ZNF567: variants seen among roughly 807,000 people sequenced by gnomAD.
ZNF567 encodes the protein zinc finger protein 567.
A neutral mutation model predicts 53.9 loss-of-function variants in ZNF567; 36 were observed. That is an observed-to-expected ratio of 0.67 (90% CI 0.51 to 0.88). The LOEUF is 0.88. Among genes scored for constraint, ZNF567 ranks in the 40% least tolerant of loss-of-function variants. The probability of loss-of-function intolerance (pLI) is 0.00; values close to 1 mark genes in which losing one functional copy is unlikely to be tolerated. For synonymous variants in ZNF567, 224 were observed against 260.4 expected (o/e 0.86, Z 1.35); for missense variants, 619 against 764.7 (o/e 0.81, Z 2.25).
intron 5 of ZNF567, among the ~76,000 whole-genome samples, chr19:36,718,071 A>T (rs1274419712): frequency 6.6e-6 from 1 of 152,210 alleles, no homozygotes; most frequent in African/African-American, 2.4e-5. Context: ...TATGTAGAGG[A>T]TTAGAGCATA....
intron 3 of ZNF567, among the ~76,000 whole-genome samples, chr19:36,698,086 G>A (rs971100245): frequency 2.0e-5 from 3 of 151,188 alleles, no homozygotes; most frequent in Non-Finnish European, 4.4e-5. Flanking sequence ...CTCCCCACCC[G>A]ACAACAGTCC....
At chr19:36,703,409 C>T (rs907135477) in intron 3 of ZNF567, among the ~76,000 whole-genome samples, 21 of 151,994 alleles carry the variant, frequency 1.4e-4, no homozygotes, top group African/African-American at 3.9e-4. Flanking sequence ...GCAGTCTGCC[C>T]GTTCTCAGAT....
At chr19:36,675,537 G>T in the ZNF567 span, among the ~76,000 whole-genome samples, 2 of 152,186 alleles carry the variant, frequency 1.3e-5, no homozygotes, top group African/African-American at 4.8e-5. Context: ...GCTGGGCGTG[G>T]TGGCGTGCAC....
rs1056458379 is a variant in ZNF567 at position 36,700,773 on chromosome 19, A to C, written c.9+5897A>C. 2.8e-4 allele frequency among the ~76,000 whole-genome samples: 43 copies of C among 152,042 alleles called. No homozygotes were observed. In the East Asian group the frequency reaches 7.2e-3, roughly 25 times the overall value. ...TCTGTGGGATCGGTGGTGATATCCC[A>C]TTTATCATCTTTTATTGCGTCTATT... On this transcript the variant is annotated intron_variant, in intron 3 of 5. Coordinates refer to ENST00000682579, the MANE Select transcript of ZNF567 (RefSeq NM_001322917.1).
intron 2 of ZNF567, among the ~76,000 whole-genome samples, chr19:36,692,100 A>G (rs1048593406): frequency 6.6e-6 from 1 of 152,242 alleles, no homozygotes; most frequent in African/African-American, 2.4e-5. Flanking sequence ...GGTTATGAAT[A>G]AAACTGCTAC....
At chr19:36,711,894 A>G (rs559656309) in intron 3 of ZNF567, 51 of 152,594 alleles carry the variant, frequency 3.3e-4, no homozygotes, top group African/African-American at 1.2e-3. Flanking sequence ...TTATTTAAAA[A>G]CTAACTGATG....
intron 2 of ZNF567, among the ~76,000 whole-genome samples, chr19:36,694,416 T>TA (rs1317183569): frequency 6.6e-6 from 1 of 152,128 alleles, no homozygotes; most frequent in Non-Finnish European, 1.5e-5. Context: ...TAGACAAGCA[T>TA]AAAAAAATTT....
At chr19:36,683,339 T>A (rs1341382277), upstream of ZNF567, among the ~76,000 whole-genome samples, 1 of 152,152 alleles carries the variant, frequency 6.6e-6, no homozygotes. Flanking sequence ...CCGAAAGTGC[T>A]GGGATTACAG....
chr19:36,677,458 C>CA, the ZNF567 span, among the ~76,000 whole-genome samples: 11,899 of 50,678 alleles, frequency 0.23, 2,930 homozygotes, highest in East Asian at 0.44. Context: ...GACTCTGTCT[C>CA]AAAAAAAAAA....
At chr19:36,673,027 A>G in the ZNF567 span, among the ~76,000 whole-genome samples, 1 of 152,194 alleles carries the variant, frequency 6.6e-6, no homozygotes, top group Non-Finnish European at 1.5e-5. Context: ...CATCCCTTTC[A>G]TATCTCTTTA....
intron 5 of ZNF567, among the ~76,000 whole-genome samples, chr19:36,718,322 AC>A (rs2040157017): frequency 6.6e-6 from 1 of 151,984 alleles, no homozygotes; most frequent in Non-Finnish European, 1.5e-5. Flanking sequence ...GCATGGTGAA[AC>A]CCCGTCTCTA....
chr19:36,668,674 G>A, the ZNF567 span: 1 of 152,226 alleles, frequency 6.6e-6, no homozygotes, highest in African/African-American at 2.4e-5. Context: ...GTGGAAGCTG[G>A]CACATGTTAT....
the ZNF567 span, among the ~76,000 whole-genome samples, chr19:36,682,496 G>A: frequency 6.6e-6 from 1 of 151,032 alleles, no homozygotes; most frequent in Non-Finnish European, 1.5e-5. Flanking sequence ...TTAACTTTGA[G>A]GTATAATGAT....
intron 5 of ZNF567, among the ~76,000 whole-genome samples, chr19:36,717,741 T>C (rs1264185278): frequency 6.6e-6 from 1 of 152,080 alleles, no homozygotes; most frequent in African/African-American, 2.4e-5. Context: ...ATAAGAGAAA[T>C]GAAGGTTAAA....
At chr19:36,715,560 G>A (rs1176877791) in intron 5 of ZNF567, among the ~76,000 whole-genome samples, 9 of 138,534 alleles carry the variant, frequency 6.5e-5, no homozygotes, top group South Asian at 4.6e-4. Context: ...ATGGAGTTTC[G>A]TTCTTGTTGC....
At chr19:36,704,473 C>T (rs2039389938) in intron 3 of ZNF567, among the ~76,000 whole-genome samples, 1 of 152,060 alleles carries the variant, frequency 6.6e-6, no homozygotes, top group Admixed American at 6.6e-5. Context: ...TGGTTTTTCA[C>T]ATTATATGGC....
At chr19:36,726,437 T>G (rs2040335204), downstream of ZNF567, among the ~76,000 whole-genome samples, 1 of 152,238 alleles carries the variant, frequency 6.6e-6, no homozygotes, top group South Asian at 2.1e-4. Context: ...GCCATTTTGC[T>G]GTGCCACATA....
downstream of ZNF567, chr19:36,727,011 C>CTTTTCT (rs1555809311): frequency 4.6e-3 from 111 of 24,298 alleles, 1 homozygote; most frequent in Middle Eastern, 0.028. Context: ...TCTTTCTTTC[C>CTTTTCT]TTTTTTTTTT....
chr19:36,708,589 GT>G (rs1162173260), intron 3 of ZNF567, among the ~76,000 whole-genome samples: 2 of 152,056 alleles, frequency 1.3e-5, no homozygotes, highest in African/African-American at 4.8e-5. Context: ...TTACAAAATG[GT>G]TTCACTGCCC....
Sources: gnomAD v4.1 joint callset for allele counts (sites outside exome capture counted in the v4.1 genomes callset) on GRCh38, gnomAD v4.1.1 for gene constraint, MANE v1.5 for transcripts, NCBI Gene and HGNC (gene_info 2026-07-23, HGNC 2026-07-21) for gene names.